GADL1: variants seen among roughly 807,000 people sequenced by gnomAD.
GADL1 encodes the protein GAD like acidic amino acid decarboxylase 1.
In GADL1, 71 loss-of-function variants were observed where a neutral mutation model predicts 69.5. The ratio of observed to expected loss-of-function variants is 1.02; its 90% CI spans 0.84 to 1.25. The LOEUF (loss-of-function observed/expected upper bound fraction) is 1.25, where lower values mean the gene tolerates loss of function less well. GADL1 is among the 50% of genes most tolerant of loss of function. GADL1 has a pLI of 0.00. For missense variants in GADL1, 737 were observed against 631.8 expected (o/e 1.17, Z -1.79); for synonymous variants, 254 against 214.4 (o/e 1.18, Z -1.62).
chr3:30,752,850 TAA>T (rs67917740), intron 14 of GADL1, among the ~76,000 whole-genome samples: 33,523 of 151,490 alleles, frequency 0.22, 4,335 homozygotes, highest in Non-Finnish European at 0.29. Context: ...ACAAGATAAT[TAA>T]GTTCTCAAAT....
chr3:30,892,803 A>G (rs991302550), intron 1 of GADL1, among the ~76,000 whole-genome samples: 6 of 152,202 alleles, frequency 3.9e-5, no homozygotes, highest in African/African-American at 1.2e-4. Flanking sequence ...TATTATTAGG[A>G]TTCCTAAATA....
intron 8 of GADL1, 56 bp downstream of exon 8, chr3:30,844,154 C>T (rs577375871): frequency 1.8e-5 from 24 of 1,355,348 alleles, no homozygotes; most frequent in Non-Finnish European, 2.1e-5. Context: ...CATAAGCGCG[C>T]GGGCGTGCGC....
At position 30,758,291 on chromosome 3, in the gene GADL1, C is replaced by T. The variant is rs1401296634; in HGVS notation, c.1392+19888G>A. Among the ~76,000 whole-genome samples the T allele has an allele frequency of 2.0e-5, 3 of 152,210 alleles. No individual in the cohort carries two copies. In the East Asian group the frequency reaches 5.8e-4, roughly 29 times the overall value. ...ACCTTTGACAGCTTGGTGGAGCACT[C>T]CACTCTCTGAAAGAGCCCCTCCTTA... On this transcript the variant is annotated intron_variant, in intron 14 of 14. Transcript: ENST00000282538.
At chr3:30,851,935 G>GATA (rs10661905) in intron 4 of GADL1, among the ~76,000 whole-genome samples, 81,720 of 151,672 alleles carry the variant, frequency 0.54, 25,555 homozygotes, top group African/African-American at 0.86. Flanking sequence ...TGCCTTGTTT[G>GATA]ATATTTATTT....
chr3:30,878,716 GTCAA>G (rs1698607588), intron 1 of GADL1, among the ~76,000 whole-genome samples: 1 of 151,854 alleles, frequency 6.6e-6, no homozygotes, highest in Admixed American at 6.6e-5. Context: ...AGCTGAAGCA[GTCAA>G]TTCCATTTGT....
intron 10 of GADL1, 113 bp downstream of exon 10, chr3:30,834,104 T>A: frequency 9.6e-7 from 1 of 1,041,438 alleles, no homozygotes. Context: ...TTTGTTGTTG[T>A]TTATTTAAGG....
intron 3 of GADL1, among the ~76,000 whole-genome samples, chr3:30,855,793 C>G (rs1698221892): frequency 1.3e-5 from 2 of 151,486 alleles, no homozygotes; most frequent in African/African-American, 4.8e-5. Context: ...ATTTGGTGAC[C>G]TCTCATTACA....
chr3:30,836,224 C>G (rs942988966), intron 9 of GADL1, among the ~76,000 whole-genome samples: 5 of 151,984 alleles, frequency 3.3e-5, no homozygotes, highest in Non-Finnish European at 7.4e-5. Context: ...CTCCTTCATG[C>G]TCCCTGAGCT....
chr3:30,882,578 C>T (rs925747985), intron 1 of GADL1, among the ~76,000 whole-genome samples: 1 of 151,910 alleles, frequency 6.6e-6, no homozygotes, highest in South Asian at 2.1e-4. Context: ...ATGATGGATA[C>T]TTGGGTAGCT....
intron 1 of GADL1, among the ~76,000 whole-genome samples, chr3:30,871,194 A>C (rs1698477249): frequency 6.6e-6 from 1 of 151,516 alleles, no homozygotes; most frequent in African/African-American, 2.4e-5. Flanking sequence ...GTAGAAACTG[A>C]GGAGTTCAGC....
chr3:30,845,106 A>G (rs896892917), intron 6 of GADL1, among the ~76,000 whole-genome samples: 1 of 152,186 alleles, frequency 6.6e-6, no homozygotes, highest in African/African-American at 2.4e-5. Flanking sequence ...TGAACACAAG[A>G]CTGAAACACC....
Position 30,888,381 on chromosome 3 carries a change from A to G in GADL1, c.37+6197T>C, listed in dbSNP as rs1463144463. 2.0e-5 allele frequency among the ~76,000 whole-genome samples: 3 copies of G among 152,202 alleles called. No individual in the cohort carries two copies. The East Asian group carries it at 5.8e-4, about 29-fold the overall frequency. On this transcript the variant is annotated intron_variant, in intron 1 of 14. Coordinates refer to ENST00000282538, the MANE Select transcript of GADL1 (RefSeq NM_207359.3). ...ATGTGTGCATACCTCATAATTCAAAAAAGTTTAATAAACAGAAAACAGAAT... is the reference window on the plus strand; with the variant it reads ...ATGTGTGCATACCTCATAATTCAAAGAAGTTTAATAAACAGAAAACAGAAT...
chr3:30,769,288 C>G (rs1696360793), intron 14 of GADL1, among the ~76,000 whole-genome samples: 1 of 152,110 alleles, frequency 6.6e-6, no homozygotes, highest in South Asian at 2.1e-4. Flanking sequence ...TACTTATGAC[C>G]TGAACCAACA....
intron 1 of GADL1, among the ~76,000 whole-genome samples, chr3:30,883,701 A>G (rs1698670862): frequency 2.0e-5 from 3 of 152,046 alleles, no homozygotes. Context: ...GGGTTTTGAT[A>G]AAGATTGTGT....
At position 30,850,942 on chromosome 3, in the gene GADL1, C is replaced by T. The variant is rs1307566594; in HGVS notation, c.429-1G>A. On this transcript the variant is annotated splice_acceptor_variant, in intron 4 of 14. Transcript: ENST00000282538. LOFTEE classifies it high-confidence loss of function. ...CACTGGGGACACCTCATACGTATAA[C>T]TAGATAGATATAAAAAACACTTCAC... 4 of 1,502,096 alleles carry T rather than the reference C, an allele frequency of 2.7e-6. No homozygotes were observed. Among genetic ancestry groups the T allele is most frequent in the Non-Finnish European group, 3.6e-6 (4 of 1,103,320 alleles). The allele number at this position is 1,502,096 out of a possible 1,614,324, so 93.0% of individuals were successfully genotyped here.
intron 12 of GADL1, among the ~76,000 whole-genome samples, chr3:30,792,347 C>T (rs775150703): frequency 1.2e-4 from 18 of 152,046 alleles, no homozygotes; most frequent in Non-Finnish European, 1.9e-4. Context: ...CTGAGGTGGG[C>T]AGATTGTTTG....
chr3:30,778,191 T>G lies in GADL1; in HGVS notation c.1380A>C (p.Ala460=). ...ACTTATTACTTACCAAATTAAGTTTTGCCCAGAACTCGGGTCCTTCTTCCA... is the reference window on the plus strand; with the variant it reads ...ACTTATTACTTACCAAATTAAGTTTGGCCCAGAACTCGGGTCCTTCTTCCA... ...REMEEGPEFW[A]KLNLVAPAIK... Residue 460 remains alanine (A), a synonymous_variant, in exon 14 of 15, where the codon GCA becomes GCC. Coordinates refer to ENST00000282538, the MANE Select transcript of GADL1 (RefSeq NM_207359.3). 3 of 1,600,754 alleles carry G rather than the reference T, an allele frequency of 1.9e-6. No individual in the cohort carries two copies. Among genetic ancestry groups the G allele is most frequent in the Non-Finnish European group, 2.6e-6 (3 of 1,168,140 alleles).
intron 1 of GADL1, among the ~76,000 whole-genome samples, chr3:30,894,119 A>AT: frequency 6.6e-6 from 1 of 152,350 alleles, no homozygotes; most frequent in South Asian, 2.1e-4. Context: ...ACCAAAGAAC[A>AT]TTAAGGGCAT....
intron 14 of GADL1, among the ~76,000 whole-genome samples, chr3:30,772,543 G>A (rs963624061): frequency 2.6e-5 from 4 of 152,068 alleles, no homozygotes; most frequent in Non-Finnish European, 5.9e-5. Flanking sequence ...TTCAGAAGAA[G>A]CAAAGATACA....
Sources: gnomAD v4.1 joint callset for allele counts (sites outside exome capture counted in the v4.1 genomes callset) on GRCh38, gnomAD v4.1.1 for gene constraint, MANE v1.5 for transcripts, NCBI Gene and HGNC (gene_info 2026-07-23, HGNC 2026-07-21) for gene names.